The following PLEKHA3 variants were observed in gnomAD, a reference collection of about 807,000 sequenced individuals.
PLEKHA3 encodes pleckstrin homology domain containing A3, also known as pleckstrin homology domain-containing family A member 3.
PLEKHA3 carries 19 observed loss-of-function variants against 39.2 expected under a neutral mutation model. The observed-to-expected ratio is 0.48, with a 90% CI of 0.34 to 0.71. PLEKHA3 has a LOEUF of 0.71. Ranked by LOEUF, PLEKHA3 falls within the 30% of genes least tolerant of loss-of-function variation. The probability of loss-of-function intolerance (pLI) is 0.01; values close to 1 mark genes in which losing one functional copy is unlikely to be tolerated. For synonymous variants in PLEKHA3, 97 were observed against 118.6 expected, an observed-to-expected ratio of 0.82 and a Z score of 1.18; for missense variants, 253 against 359.5, an observed-to-expected ratio of 0.70 and a Z score of 2.40.
rs1685736630 is a variant in PLEKHA3, at chr2:178,514,779, C to T, written c.*10892C>T. ...TTTTTGTGTTTTGATCACCCTTAGT[C>T]ATCACTGGAGAGAAGAGTTTGAATT... On this transcript the variant is annotated 3_prime_UTR_variant, in exon 8 of 8. Transcript: ENST00000234453. 1.3e-5 allele frequency: 2 copies of T among 151,732 alleles called. No homozygotes were observed. The highest frequency in any genetic ancestry group is 2.9e-5 in the Non-Finnish European group (2 of 67,976). 9.4% of individuals were successfully genotyped at this position (151,732 alleles called of 1,614,324 possible).
At chr2:178,501,347 C>T (rs1685527452) in intron 7 of PLEKHA3, among the ~76,000 whole-genome samples, 171 bp downstream of exon 7, 1 of 151,974 alleles carries the variant, frequency 6.6e-6, no homozygotes. Context: ...CATATATCCC[C>T]TTACAAACAG....
intron 3 of PLEKHA3, among the ~76,000 whole-genome samples, chr2:178,491,886 A>G (rs1200370011): frequency 6.6e-6 from 1 of 152,144 alleles, no homozygotes; most frequent in African/African-American, 2.4e-5. Context: ...GTGCGGAAAG[A>G]GATCAAACCC....
At chr2:178,499,182 A>ATTTTTTTTTT in intron 5 of PLEKHA3, 29 bp from the exon 6 acceptor site, 1 of 920,502 alleles carries the variant, frequency 1.1e-6, no homozygotes, top group Non-Finnish European at 1.5e-6. Flanking sequence ...GATTATGCTA[A>ATTTTTTTTTT]TTTTTTTTTT....
At position 178,508,050 on chromosome 2, in the gene PLEKHA3, GGTGTGTGTGTGTGTGTGT is replaced by G. The variant is rs71023446; in HGVS notation, c.*4185_*4202del. 5 of 142,116 alleles carry G rather than the reference GGTGTGTGTGTGTGTGTGT, an allele frequency of 3.5e-5. No homozygotes were observed. The highest frequency in any genetic ancestry group is 7.1e-5 in the Admixed American group (1 of 14,118). The allele number at this position is 142,116 out of a possible 1,614,324, so 8.8% of individuals were successfully genotyped here. Reference sequence around the variant, plus strand: ...TAGAGATTTGTCTGCTTCAGTTCTGGGTGTGTGTGTGTGTGTGTGTGTGTGTGTGTGTGTGTGTGATCT... The same window carrying G: ...TAGAGATTTGTCTGCTTCAGTTCTGGGTGTGTGTGTGTGTGTGTGTGATCT... On this transcript the variant is annotated 3_prime_UTR_variant, in exon 8 of 8. Coordinates refer to ENST00000234453, the MANE Select transcript of PLEKHA3 (RefSeq NM_019091.4).
At chr2:178,502,252 CT>C (rs989168957) in intron 7 of PLEKHA3, 38 of 167,188 alleles carry the variant, frequency 2.3e-4, no homozygotes, top group South Asian at 5.8e-4. Context: ...TTAATGCCCA[CT>C]TTTTTTTTAA....
At position 178,512,358 on chromosome 2, in the gene PLEKHA3, T is replaced by G. The variant is rs1685702161; in HGVS notation, c.*8471T>G. ...ATTTTTTTTGACATAAATGAAGGGT[T>G]GTTTCCATGGGTAATATATTCAGAA... On this transcript the variant is annotated 3_prime_UTR_variant, in exon 8 of 8. Transcript: ENST00000234453. The G allele has an allele frequency of 6.6e-6, 1 of 152,202 alleles. No homozygotes were observed. Among genetic ancestry groups the G allele is most frequent in the African/African-American group, 2.4e-5 (1 of 41,456 alleles). 9.4% of individuals were successfully genotyped at this position (152,202 alleles called of 1,614,324 possible). A position where few individuals can be genotyped will look rare whatever the true frequency, so the allele number is the denominator to read the frequency against.
chr2:178,500,033 T>G (rs1685505407), intron 6 of PLEKHA3, among the ~76,000 whole-genome samples: 1 of 152,170 alleles, frequency 6.6e-6, no homozygotes, highest in Non-Finnish European at 1.5e-5. Context: ...TATTTTAAAG[T>G]ACATATTCAT....
At chr2:178,487,995 C>T (rs543117052) in intron 2 of PLEKHA3, among the ~76,000 whole-genome samples, 10 of 151,776 alleles carry the variant, frequency 6.6e-5, no homozygotes, top group Non-Finnish European at 1.0e-4. Flanking sequence ...GTCCTCTTGT[C>T]GGGAGTGTTA....
At position 178,481,943 on chromosome 2, in the gene PLEKHA3, G is replaced by A. The variant is rs1287096234; in HGVS notation, c.40+1034G>A. 4 of 153,212 alleles carry A rather than the reference G, an allele frequency of 2.6e-5. No individual in the cohort carries two copies. The Admixed American group carries it at 2.6e-4, about 10-fold the overall frequency. 9.5% of individuals were successfully genotyped at this position (153,212 alleles called of 1,614,324 possible). ...CCCTCAGTAATTGTGTGGTACTCTC[G>A]ACTTGTGTCCACCTGATCTTGTGCA... is the stretch of plus-strand genomic sequence containing the variant. On this transcript the variant is annotated intron_variant, in intron 1 of 7. Coordinates refer to ENST00000234453, the MANE Select transcript of PLEKHA3 (RefSeq NM_019091.4).
intron 1 of PLEKHA3, among the ~76,000 whole-genome samples, chr2:178,484,495 A>G (rs1200192487): frequency 6.6e-6 from 1 of 152,164 alleles, no homozygotes; most frequent in Admixed American, 6.5e-5. Flanking sequence ...TGGGGAATTA[A>G]GTCCTGGATC....
intron 5 of PLEKHA3, 101 bp downstream of exon 5, chr2:178,495,761 G>A: frequency 1.5e-6 from 2 of 1,293,584 alleles, no homozygotes; most frequent in Non-Finnish European, 2.1e-6. Flanking sequence ...CAGGCAGTTG[G>A]GGGGCGGGGA....
chr2:178,483,399 C>T (rs1685203641), intron 1 of PLEKHA3, among the ~76,000 whole-genome samples: 1 of 150,822 alleles, frequency 6.6e-6, no homozygotes, highest in Non-Finnish European at 1.5e-5. Flanking sequence ...CAGATATTAC[C>T]CTCTGTTATA....
In PLEKHA3 at chr2:178,513,592, C is replaced by T. The variant is rs1235735932; in HGVS notation, c.*9705C>T. The T allele has an allele frequency of 6.6e-6, 1 of 152,122 alleles. No individual in the cohort carries two copies. Among genetic ancestry groups the T allele is most frequent in the East Asian group, 1.9e-4 (1 of 5,192 alleles). 9.4% of individuals were successfully genotyped at this position (152,122 alleles called of 1,614,324 possible). A position where few individuals can be genotyped will look rare whatever the true frequency, so the allele number is the denominator to read the frequency against. ...ACAGTGTGTGTGCCTGTGTCTCTAT[C>T]TGTGCATGCATCTGTATGCACAGTT... On this transcript the variant is annotated 3_prime_UTR_variant, in exon 8 of 8. Transcript: ENST00000234453.
intron 6 of PLEKHA3, among the ~76,000 whole-genome samples, chr2:178,500,776 G>A (rs1685518697): frequency 6.6e-6 from 1 of 151,932 alleles, no homozygotes; most frequent in Non-Finnish European, 1.5e-5. Context: ...TTTGTAAACC[G>A]ACTGATATGT....
At chr2:178,495,389 A>C (rs1005018759) in intron 4 of PLEKHA3, 107 bp from the exon 5 acceptor site, 8 of 1,073,010 alleles carry the variant, frequency 7.5e-6, no homozygotes, top group African/African-American at 1.6e-5. Flanking sequence ...TTTGAACATA[A>C]CATAGTAATG....
At chr2:178,490,570 C>T in intron 2 of PLEKHA3, 89 bp from the exon 3 acceptor site, 1 of 1,308,188 alleles carries the variant, frequency 7.6e-7, no homozygotes, top group Non-Finnish European at 1.1e-6. Context: ...GTATATGAAG[C>T]ATCTGATACT....
intron 7 of PLEKHA3, chr2:178,502,252 C>CT (rs989168957): frequency 2.2e-4 from 37 of 167,196 alleles, no homozygotes; most frequent in South Asian, 4.3e-4. Flanking sequence ...TTAATGCCCA[C>CT]TTTTTTTTTA....
chr2:178,484,716 A>T (rs1210141970), intron 1 of PLEKHA3, among the ~76,000 whole-genome samples: 1 of 152,240 alleles, frequency 6.6e-6, no homozygotes, highest in African/African-American at 2.4e-5. Context: ...TGCTCCCAGC[A>T]TGGTCACCAT....
At chr2:178,498,897 C>T (rs1293816382) in intron 5 of PLEKHA3, among the ~76,000 whole-genome samples, 1 of 151,540 alleles carries the variant, frequency 6.6e-6, no homozygotes, top group Admixed American at 6.6e-5. Flanking sequence ...TAGTTATATA[C>T]CCTGTTTTTT....
Sources: allele counts gnomAD v4.1 joint callset (sites outside exome capture counted in the v4.1 genomes callset), GRCh38; gene constraint gnomAD v4.1.1; transcripts MANE v1.5; gene names NCBI Gene and HGNC (gene_info 2026-07-23, HGNC 2026-07-21).